WIPF3: variants seen among roughly 807,000 people sequenced by gnomAD.
The protein encoded by WIPF3 is WAS/WASL interacting protein family member 3, also known as WAS/WASL-interacting protein family member 3.
A neutral mutation model predicts 38.9 loss-of-function variants in WIPF3; 33 were observed. The ratio of observed to expected loss-of-function variants is 0.85; its 90% CI spans 0.64 to 1.14. WIPF3 has a LOEUF of 1.14. Among genes scored for constraint, WIPF3 ranks in the 50% most tolerant of loss-of-function variants. The pLI, the probability that WIPF3 is intolerant of heterozygous loss-of-function variation, is 0.00. For synonymous variants in WIPF3, 324 were observed against 269.3 expected (o/e 1.20, Z -1.99); for missense variants, 711 against 652.5 (o/e 1.09, Z -0.98).
chr7:29,889,482 T>C, intron 7 of WIPF3, 75 bp downstream of exon 7: 1 of 1,050,420 alleles, frequency 9.5e-7, no homozygotes, highest in South Asian at 1.3e-5. Flanking sequence ...CATCAGTTGG[T>C]CACAGACTGT....
chr7:29,806,991 G>A (rs1784291817), intron 1 of WIPF3, among the ~76,000 whole-genome samples: 1 of 151,936 alleles, frequency 6.6e-6, no homozygotes, highest in Admixed American at 6.5e-5. Flanking sequence ...TGACTTCTCC[G>A]GACTGGACTC....
At chr7:29,811,557 C>T (rs1784378686) in intron 1 of WIPF3, among the ~76,000 whole-genome samples, 3 of 152,156 alleles carry the variant, frequency 2.0e-5, no homozygotes, top group Admixed American at 2.0e-4. Context: ...AAATAGTTAC[C>T]TGATCCACAG....
At chr7:29,865,110 A>T (rs1262500239) in intron 2 of WIPF3, among the ~76,000 whole-genome samples, 1 of 152,206 alleles carries the variant, frequency 6.6e-6, no homozygotes, top group Non-Finnish European at 1.5e-5. Flanking sequence ...ACTCTCTTCC[A>T]AATTTTATGG....
intron 1 of WIPF3, among the ~76,000 whole-genome samples, chr7:29,833,940 C>T (rs10228423): frequency 0.016 from 2,425 of 152,256 alleles, 23 homozygotes; most frequent in Middle Eastern, 0.038. Context: ...CATACAGGCT[C>T]CACACATTTA....
At chr7:29,818,299 C>G (rs1784486304) in intron 1 of WIPF3, among the ~76,000 whole-genome samples, 1 of 151,744 alleles carries the variant, frequency 6.6e-6, no homozygotes, top group Non-Finnish European at 1.5e-5. Flanking sequence ...ACTAAATATA[C>G]AAAAATTAAC....
intron 2 of WIPF3, among the ~76,000 whole-genome samples, chr7:29,853,920 G>A (rs77982624): frequency 0.012 from 1,794 of 152,208 alleles, 42 homozygotes; most frequent in African/African-American, 0.041. Context: ...AATGTGAACC[G>A]GTAAAACAAA....
intron 2 of WIPF3, among the ~76,000 whole-genome samples, chr7:29,867,192 A>C (rs1055850896): frequency 6.6e-6 from 1 of 152,154 alleles, no homozygotes; most frequent in Non-Finnish European, 1.5e-5. Context: ...CCAAACGCCA[A>C]AGTCACCGCT....
In WIPF3 at chr7:29,834,702, A is replaced by T; in HGVS notation, c.-23A>T. The T allele has an allele frequency of 6.8e-7, 1 of 1,477,910 alleles. No homozygotes were observed. Among genetic ancestry groups the T allele is most frequent in the Admixed American group, 2.6e-5 (1 of 38,806 alleles). The allele number at this position is 1,477,910 out of a possible 1,614,324, so 91.5% of individuals were successfully genotyped here. On this transcript the variant is annotated 5_prime_UTR_variant, in exon 2 of 9. Transcript: ENST00000242140. Reference sequence around the variant, plus strand: ...CACTCTCTTGGGACCATTCATAAGCAGGAGACATCAACACCGTGACACATG... The same window carrying T: ...CACTCTCTTGGGACCATTCATAAGCTGGAGACATCAACACCGTGACACATG...
chr7:29,916,802 C>T lies in WIPF3; in HGVS notation c.*2286C>T, dbSNP rs1187947953. ...TCAGGAATGTGGCATCCCATCTCCC[C>T]TTGAGACCTATCACTGAATTCACAA... On this transcript the variant is annotated 3_prime_UTR_variant, in exon 9 of 9. Coordinates refer to ENST00000242140, the MANE Select transcript of WIPF3 (RefSeq NM_001080529.3). The T allele has an allele frequency of 6.6e-6, 1 of 152,168 alleles. No homozygotes were observed. The highest frequency in any genetic ancestry group is 1.5e-5 in the Non-Finnish European group (1 of 68,072). 9.4% of individuals were successfully genotyped at this position (152,168 alleles called of 1,614,324 possible). A position where few individuals can be genotyped will look rare whatever the true frequency, so the allele number is the denominator to read the frequency against.
chr7:29,881,998 C>T (rs1473787321), intron 4 of WIPF3, among the ~76,000 whole-genome samples: 1 of 152,248 alleles, frequency 6.6e-6, no homozygotes, highest in Non-Finnish European at 1.5e-5. Flanking sequence ...CTCCACTTGC[C>T]TGCACTTACA....
intron 8 of WIPF3, among the ~76,000 whole-genome samples, 152 bp from the exon 9 acceptor site, chr7:29,914,341 C>T (rs1786562294): frequency 6.6e-6 from 1 of 152,190 alleles, no homozygotes; most frequent in Non-Finnish European, 1.5e-5. Flanking sequence ...GGGTAAAAGT[C>T]AGCTCTTTGC....
intron 2 of WIPF3, among the ~76,000 whole-genome samples, chr7:29,860,112 G>T (rs1196400625): frequency 5.9e-5 from 9 of 152,174 alleles, no homozygotes; most frequent in Admixed American, 5.9e-4. Context: ...TTAAGTCTGT[G>T]GATGTCTGAT....
intron 2 of WIPF3, among the ~76,000 whole-genome samples, chr7:29,875,070 G>A (rs1222609004): frequency 6.6e-6 from 1 of 152,138 alleles, no homozygotes; most frequent in Admixed American, 6.5e-5. Context: ...GGTCTTGTGA[G>A]GACTAATGTA....
In WIPF3 at chr7:29,844,133, T is replaced by C. The variant is rs373906253; in HGVS notation, c.90+9319T>C. Among the ~76,000 whole-genome samples the C allele has an allele frequency of 3.6e-3, 549 of 152,326 alleles. 2 individuals carry two copies. Among genetic ancestry groups the C allele is most frequent in the African/African-American group, 0.012 (505 of 41,586 alleles). ...AAAACTGTGTGTGCACAGGCTTGCC[T>C]ATGCACTCTCACATAAAGGCTGTAA... On this transcript the variant is annotated intron_variant, in intron 2 of 8. Coordinates refer to ENST00000242140, the MANE Select transcript of WIPF3 (RefSeq NM_001080529.3). This position sits in a 1 kb window ranked among gnomAD's most constrained non-coding sequence, Gnocchi z 4.8.
Position 29,884,380 on chromosome 7 carries a change from C to T in WIPF3, c.886C>T (p.Leu296Phe). ...GGAGCCTCCCGCCCCGCCGCCCCCG[C>T]TCCCCCCTTATGCTTCTTGCTCCCC... Reference protein sequence around the residue: ...AQEPPAPPPPLPPYASCSPRA... With the variant: ...AQEPPAPPPPFPPYASCSPRA... The change falls in exon 5 of 9, where the codon CTC (leucine) becomes TTC (phenylalanine). Residue 296 changes from leucine (L) to phenylalanine (F), a missense_variant. Transcript: ENST00000242140. 7.0e-7 allele frequency: 1 copy of T among 1,433,610 alleles called. No individual in the cohort carries two copies. Among genetic ancestry groups the T allele is most frequent in the Non-Finnish European group, 9.3e-7 (1 of 1,076,456 alleles). 88.8% of individuals were successfully genotyped at this position (1,433,610 alleles called of 1,614,324 possible). A position where few individuals can be genotyped will look rare whatever the true frequency, so the allele number is the denominator to read the frequency against.
chr7:29,893,077 C>CA (rs3216983), intron 7 of WIPF3, among the ~76,000 whole-genome samples: 5,158 of 146,356 alleles, frequency 0.035, 110 homozygotes, highest in South Asian at 0.058. Context: ...AAACAAAAAA[C>CA]AAAAAAAAAA....
At chr7:29,819,600 T>A (rs1216622273) in intron 1 of WIPF3, among the ~76,000 whole-genome samples, 1 of 152,102 alleles carries the variant, frequency 6.6e-6, no homozygotes, top group Non-Finnish European at 1.5e-5. Flanking sequence ...TTGTTACTCA[T>A]GTTTCTTGAG....
At chr7:29,820,545 T>C (rs771863457) in intron 1 of WIPF3, among the ~76,000 whole-genome samples, 1 of 152,164 alleles carries the variant, frequency 6.6e-6, no homozygotes, top group Non-Finnish European at 1.5e-5. Context: ...TATCTTTAGT[T>C]CTTCTAGCAA....
intron 1 of WIPF3, among the ~76,000 whole-genome samples, chr7:29,829,895 G>A (rs1453950264): frequency 6.6e-6 from 1 of 152,144 alleles, no homozygotes; most frequent in African/African-American, 2.4e-5. Context: ...TTGGGAGAAA[G>A]TATAAAAGCC....
Sources: gnomAD v4.1 joint callset for allele counts (sites outside exome capture counted in the v4.1 genomes callset) on GRCh38, gnomAD v4.1.1 for gene constraint, Gnocchi (gnomAD v3.1) non-coding constraint, MANE v1.5 for transcripts, NCBI Gene and HGNC (gene_info 2026-07-23, HGNC 2026-07-21) for gene names.